ERBB4: variants seen among roughly 807,000 people sequenced by gnomAD.
ERBB4 encodes receptor tyrosine-protein kinase erbB-4.
Under a neutral mutation model 158.0 loss-of-function variants are expected in ERBB4, and 42 were observed. That is an observed-to-expected ratio of 0.27 (90% CI 0.21 to 0.34). The LOEUF is 0.34. Ranked by LOEUF, ERBB4 falls within the 10% of genes least tolerant of loss-of-function variation. The probability of loss-of-function intolerance (pLI) is 1.00; values close to 1 mark genes in which losing one functional copy is unlikely to be tolerated. For missense variants in ERBB4, 1,333 were observed against 1,624.1 expected (o/e 0.82, Z 3.08); for synonymous variants, 583 against 558.7 (o/e 1.04, Z -0.61).
At chr2:212,018,963 G>C (rs1364072396) in intron 2 of ERBB4, among the ~76,000 whole-genome samples, 3 of 152,048 alleles carry the variant, frequency 2.0e-5, no homozygotes, top group Non-Finnish European at 4.4e-5. Flanking sequence ...TAAAAAGTGA[G>C]GGGGAGCGGT....
intron 20 of ERBB4, among the ~76,000 whole-genome samples, chr2:211,532,911 T>C (rs1322010396): frequency 6.6e-6 from 1 of 151,926 alleles, no homozygotes; most frequent in Non-Finnish European, 1.5e-5. Context: ...TAAACTTTCG[T>C]ATCTTTTTCT....
Position 211,978,401 on chromosome 2 carries a change from TCTA to T in ERBB4, c.235-30788_235-30786del, listed in dbSNP as rs2081689342. Among the ~76,000 whole-genome samples the T allele has an allele frequency of 6.8e-5, 10 of 146,240 alleles. 1 individual carries two copies. In the South Asian group the frequency reaches 8.5e-4, roughly 12 times the overall value. On this transcript the variant is annotated intron_variant, in intron 2 of 27. Transcript: ENST00000342788. Reference sequence around the variant, plus strand: ...GTCTGTCTGTCTGTCTGTCTGTCTATCTATCTATCTATCTATCTATCTATCTAT... The same window carrying T: ...GTCTGTCTGTCTGTCTGTCTGTCTATTCTATCTATCTATCTATCTATCTAT...
intron 1 of ERBB4, among the ~76,000 whole-genome samples, chr2:212,309,030 G>C (rs1451095506): frequency 6.6e-6 from 1 of 150,822 alleles, no homozygotes; most frequent in Non-Finnish European, 1.5e-5. Flanking sequence ...GTTAATTTGA[G>C]GAAGGATACT....
At chr2:211,938,712 C>T (rs143472854) in intron 3 of ERBB4, among the ~76,000 whole-genome samples, 5,249 of 151,872 alleles carry the variant, frequency 0.035, 133 homozygotes, top group Middle Eastern at 0.088. Flanking sequence ...ACATGGCAGA[C>T]GGAGGGTAAA....
chr2:212,203,292 G>C (rs894282063), intron 1 of ERBB4, among the ~76,000 whole-genome samples: 3 of 152,220 alleles, frequency 2.0e-5, no homozygotes, highest in Admixed American at 6.5e-5. Flanking sequence ...CTATACAGGT[G>C]TAAGAGGAAA....
intron 3 of ERBB4, among the ~76,000 whole-genome samples, chr2:211,850,141 T>G (rs2077683797): frequency 6.6e-6 from 1 of 151,918 alleles, no homozygotes; most frequent in Admixed American, 6.6e-5. Context: ...TTACATTTTG[T>G]TTCCATTTAA....
intron 3 of ERBB4, among the ~76,000 whole-genome samples, chr2:211,917,307 C>G (rs1195150142): frequency 1.4e-5 from 2 of 140,528 alleles, no homozygotes; most frequent in Non-Finnish European, 3.1e-5. Context: ...CTGTGTGCTA[C>G]AGAGATATGG....
chr2:211,785,242 C>A (rs1036433023), intron 4 of ERBB4, among the ~76,000 whole-genome samples: 1 of 152,068 alleles, frequency 6.6e-6, no homozygotes, highest in Non-Finnish European at 1.5e-5. Context: ...GCTGGGACTA[C>A]AGGTGCCTGC....
At chr2:211,552,705 G>C (rs982408292) in intron 20 of ERBB4, among the ~76,000 whole-genome samples, 20 of 152,086 alleles carry the variant, frequency 1.3e-4, no homozygotes, top group Non-Finnish European at 2.8e-4. Flanking sequence ...CCTATACTCA[G>C]TATTCAGGCT....
At chr2:211,932,566 A>G (rs964081600) in intron 3 of ERBB4, among the ~76,000 whole-genome samples, 2 of 151,982 alleles carry the variant, frequency 1.3e-5, no homozygotes, top group African/African-American at 4.8e-5. Flanking sequence ...AAAGAAAACC[A>G]TTTGAGGGGG....
chr2:212,293,092 A>T (rs1163457362), intron 1 of ERBB4, among the ~76,000 whole-genome samples: 1 of 152,068 alleles, frequency 6.6e-6, no homozygotes, highest in Non-Finnish European at 1.5e-5. Flanking sequence ...ATAATAACCT[A>T]GAACAATTTT....
At chr2:212,081,092 T>G (rs2078429383) in intron 2 of ERBB4, among the ~76,000 whole-genome samples, 1 of 152,186 alleles carries the variant, frequency 6.6e-6, no homozygotes. Flanking sequence ...ATAAAATATT[T>G]CTGACATTCA....
intron 1 of ERBB4, among the ~76,000 whole-genome samples, chr2:212,180,860 T>C (rs2081836857): frequency 6.6e-6 from 1 of 151,718 alleles, no homozygotes; most frequent in South Asian, 2.1e-4. Context: ...GACAAGTAGT[T>C]ATGGCCAGTT....
At chr2:212,490,625 G>A (rs1690222896) in intron 1 of ERBB4, among the ~76,000 whole-genome samples, 1 of 151,814 alleles carries the variant, frequency 6.6e-6, no homozygotes, top group South Asian at 2.1e-4. Flanking sequence ...TGAATAGTGT[G>A]TGAAAGACAT....
intron 20 of ERBB4, among the ~76,000 whole-genome samples, chr2:211,474,231 T>A (rs1400672010): frequency 6.6e-6 from 1 of 151,994 alleles, no homozygotes; most frequent in Non-Finnish European, 1.5e-5. Flanking sequence ...CTGTCTCTGG[T>A]CTAGAATACC....
chr2:212,219,603 C>A (rs1008354959), intron 1 of ERBB4, among the ~76,000 whole-genome samples: 1 of 151,174 alleles, frequency 6.6e-6, no homozygotes, highest in African/African-American at 2.4e-5. Context: ...TTATATTATT[C>A]ATGCTAGCCT....
intron 1 of ERBB4, among the ~76,000 whole-genome samples, chr2:212,407,053 G>T (rs1189670021): frequency 2.0e-5 from 3 of 151,826 alleles, no homozygotes; most frequent in Non-Finnish European, 4.4e-5. Flanking sequence ...GAACCCCACT[G>T]CCCATATTCC....
chr2:212,398,779 T>TA (rs556487572), intron 1 of ERBB4, among the ~76,000 whole-genome samples: 48 of 151,090 alleles, frequency 3.2e-4, no homozygotes, highest in Admixed American at 2.4e-3. Flanking sequence ...AATCTCATCT[T>TA]AAAAAAAAAG....
At chr2:212,469,264 G>A (rs1014577474) in intron 1 of ERBB4, among the ~76,000 whole-genome samples, 1 of 151,948 alleles carries the variant, frequency 6.6e-6, no homozygotes, top group African/African-American at 2.4e-5. Context: ...AATGTTTAGG[G>A]CCAAAAATAC....
Sources: gnomAD v4.1 joint callset for allele counts (sites outside exome capture counted in the v4.1 genomes callset) on GRCh38, gnomAD v4.1.1 for gene constraint, MANE v1.5 for transcripts, NCBI Gene and HGNC (gene_info 2026-07-23, HGNC 2026-07-21) for gene names.